The following CTNNA3 variants were observed in gnomAD, a reference collection of about 807,000 sequenced individuals.
CTNNA3 encodes catenin alpha 3, also known as catenin alpha-3.
A neutral mutation model predicts 95.7 loss-of-function variants in CTNNA3; 76 were observed. That is an observed-to-expected ratio of 0.79 (90% CI 0.66 to 0.96). The LOEUF is 0.96. Among genes scored for constraint, CTNNA3 ranks in the 40% least tolerant of loss-of-function variants. The pLI is 0.00. For synonymous variants in CTNNA3, 431 were observed against 374.4 expected, an observed-to-expected ratio of 1.15 and a Z score of -1.74; for missense variants, 1,191 against 1,089.8, an observed-to-expected ratio of 1.09 and a Z score of -1.31.
intron 3 of CTNNA3, among the ~76,000 whole-genome samples, chr10:67,571,358 A>G (rs1233508940): frequency 1.3e-5 from 2 of 152,034 alleles, no homozygotes; most frequent in African/African-American, 4.8e-5. Flanking sequence ...AATATATGTT[A>G]CTCTGGTCAC....
At chr10:66,791,345 C>A (rs191961179) in intron 7 of CTNNA3, among the ~76,000 whole-genome samples, 123 of 152,326 alleles carry the variant, frequency 8.1e-4, no homozygotes, top group Middle Eastern at 3.4e-3. Context: ...TGTGTTCCAA[C>A]CATTATGGCT....
intron 7 of CTNNA3, among the ~76,000 whole-genome samples, chr10:66,816,692 T>C (rs1416273398): frequency 6.6e-6 from 1 of 152,060 alleles, no homozygotes; most frequent in Non-Finnish European, 1.5e-5. Context: ...TAGATATTTA[T>C]AGAACACTCC....
rs1417194560 is a variant in CTNNA3, at chr10:65,915,116, A to T, written c.*5214T>A. The T allele has an allele frequency of 6.6e-6, 1 of 152,160 alleles. No homozygotes were observed. The highest frequency in any genetic ancestry group is 1.5e-5 in the Non-Finnish European group (1 of 68,036). The allele number at this position is 152,160 out of a possible 1,614,324, so 9.4% of individuals were successfully genotyped here. ...AAGAACCTAGAACAGTGCCTGGAACATCACAGTTGTTTAACAAATAGCTGT... is the reference window on the plus strand; with the variant it reads ...AAGAACCTAGAACAGTGCCTGGAACTTCACAGTTGTTTAACAAATAGCTGT... On this transcript the variant is annotated 3_prime_UTR_variant, in exon 18 of 18. Coordinates refer to ENST00000433211, the MANE Select transcript of CTNNA3 (RefSeq NM_013266.4).
intron 7 of CTNNA3, among the ~76,000 whole-genome samples, chr10:66,865,327 G>T (rs59028993): frequency 1.3e-5 from 2 of 151,228 alleles, no homozygotes; most frequent in South Asian, 2.1e-4. Flanking sequence ...GTAGAAATAC[G>T]GTCAGAGTAC....
chr10:67,362,719 T>C (rs752549695), intron 5 of CTNNA3, among the ~76,000 whole-genome samples: 1 of 151,648 alleles, frequency 6.6e-6, no homozygotes, highest in Non-Finnish European at 1.5e-5. Flanking sequence ...CCACTCTCAC[T>C]ACTCATTTTC....
chr10:66,519,354 A>C (rs1337346398), intron 11 of CTNNA3, among the ~76,000 whole-genome samples: 1 of 152,138 alleles, frequency 6.6e-6, no homozygotes, highest in Admixed American at 6.6e-5. Context: ...AGATATTTAG[A>C]CTTGTTTGTT....
intron 7 of CTNNA3, among the ~76,000 whole-genome samples, chr10:67,060,328 T>A (rs1223408715): frequency 6.6e-6 from 1 of 152,060 alleles, no homozygotes; most frequent in East Asian, 1.9e-4. Context: ...AAAGTCTTTT[T>A]AAAAAAATTC....
intron 9 of CTNNA3, among the ~76,000 whole-genome samples, chr10:66,695,256 C>T (rs1393877194): frequency 6.6e-6 from 1 of 152,114 alleles, no homozygotes; most frequent in Non-Finnish European, 1.5e-5. Context: ...CCTCCTGACT[C>T]CCAGACACCA....
intron 9 of CTNNA3, among the ~76,000 whole-genome samples, chr10:66,721,375 T>C (rs1848623079): frequency 1.3e-5 from 2 of 152,192 alleles, no homozygotes; most frequent in South Asian, 2.1e-4. Flanking sequence ...CATTCTAATT[T>C]TTATAAAATT....
chr10:66,916,157 C>T (rs1392307462), intron 7 of CTNNA3, among the ~76,000 whole-genome samples: 1 of 152,186 alleles, frequency 6.6e-6, no homozygotes, highest in Admixed American at 6.5e-5. Flanking sequence ...AATCCTTAAA[C>T]TGCAAGAAAA....
chr10:66,581,645 T>C (rs1843192795), intron 10 of CTNNA3, among the ~76,000 whole-genome samples: 1 of 151,700 alleles, frequency 6.6e-6, no homozygotes, highest in African/African-American at 2.4e-5. Flanking sequence ...AGAAGCTTTT[T>C]AGTTTGAGTC....
intron 15 of CTNNA3, among the ~76,000 whole-genome samples, chr10:66,003,893 G>C (rs948814187): frequency 6.6e-6 from 1 of 152,126 alleles, no homozygotes; most frequent in Admixed American, 6.5e-5. Context: ...CACATTTAAG[G>C]GCAGCCATTC....
chr10:66,472,933 T>TA (rs926975904), intron 11 of CTNNA3, among the ~76,000 whole-genome samples: 28 of 151,802 alleles, frequency 1.8e-4, no homozygotes, highest in African/African-American at 5.3e-4. Flanking sequence ...GCCTAAGAGA[T>TA]AAAAAAAAGT....
At chr10:66,545,015 TCA>T (rs1311014079) in intron 10 of CTNNA3, among the ~76,000 whole-genome samples, 2 of 152,066 alleles carry the variant, frequency 1.3e-5, no homozygotes, top group African/African-American at 4.8e-5. Context: ...TAGAACTCTC[TCA>T]CAGTGACTTA....
At chr10:66,839,323 G>A (rs1421481434) in intron 7 of CTNNA3, among the ~76,000 whole-genome samples, 1 of 152,088 alleles carries the variant, frequency 6.6e-6, no homozygotes, top group Non-Finnish European at 1.5e-5. Context: ...AGGGGTAGCT[G>A]TCAGAAATGT....
chr10:67,142,856 C>A (rs1027640874), intron 7 of CTNNA3, among the ~76,000 whole-genome samples: 1 of 151,918 alleles, frequency 6.6e-6, no homozygotes, highest in Non-Finnish European at 1.5e-5. Context: ...CGCTTGAACC[C>A]GGGAGGCAGA....
rs996229103 is a variant in CTNNA3, at chr10:67,752,835, T to C, written c.-2+10599A>G. On this transcript the variant is annotated intron_variant, in intron 1 of 17. Transcript: ENST00000684154. The stretch of plus-strand genomic sequence containing the variant: ...CGAAATAAGAGAGGACACAAACAAA[T>C]GGAAAAACATTCCATGGTCATGGAT... Among the ~76,000 whole-genome samples, 2 of 152,186 alleles carry C rather than the reference T, an allele frequency of 1.3e-5. 1 individual carries two copies. Among genetic ancestry groups the C allele is most frequent in the South Asian group, 4.1e-4 (2 of 4,828 alleles).
At chr10:66,255,889 T>C (rs1324433242) in intron 13 of CTNNA3, among the ~76,000 whole-genome samples, 1 of 152,246 alleles carries the variant, frequency 6.6e-6, no homozygotes, top group African/African-American at 2.4e-5. Context: ...CTATTTCCTT[T>C]GTTTTAACGT....
At chr10:66,750,476 T>C (rs911918304) in intron 9 of CTNNA3, among the ~76,000 whole-genome samples, 6 of 152,190 alleles carry the variant, frequency 3.9e-5, no homozygotes, top group Admixed American at 3.3e-4. Context: ...AAACTATCTT[T>C]TCTCCATTGT....
Sources: gnomAD v4.1 joint callset for allele counts (sites outside exome capture counted in the v4.1 genomes callset) on GRCh38, gnomAD v4.1.1 for gene constraint, MANE v1.5 for transcripts, NCBI Gene and HGNC (gene_info 2026-07-23, HGNC 2026-07-21) for gene names.